The following LARP4 variants were observed in gnomAD, a reference collection of about 807,000 sequenced individuals.
LARP4 encodes la-related protein 4.
LARP4 carries 29 observed loss-of-function variants against 92.9 expected under a neutral mutation model. That is an observed-to-expected ratio of 0.31 (90% CI 0.23 to 0.43). The LOEUF is 0.43. LARP4 is among the 20% of genes least tolerant of loss of function. The pLI is 1.00. For synonymous variants in LARP4, 279 were observed against 284.1 expected (o/e 0.98, Z 0.18); for missense variants, 732 against 860.0 (o/e 0.85, Z 1.86).
At chr12:50,449,871 T>A (rs1952837789) in intron 8 of LARP4, among the ~76,000 whole-genome samples, 1 of 151,712 alleles carries the variant, frequency 6.6e-6, no homozygotes, top group African/African-American at 2.4e-5. Context: ...TTCGTGTTGA[T>A]ATTGGCCTCT....
chr12:50,401,046 G>C lies in LARP4; in HGVS notation c.18+18G>C. ...TCGTGGAGGTGAGTGCATTATGCTA[G>C]TCTCGTCCTGCTCTTAGGAGAGCAG... On this transcript the variant is annotated intron_variant, in intron 1 of 15. Coordinates refer to ENST00000398473, the MANE Select transcript of LARP4 (RefSeq NM_052879.5). The C allele has an allele frequency of 6.2e-7, 1 of 1,613,994 alleles. No homozygotes were observed. Among genetic ancestry groups the C allele is most frequent in the South Asian group, 1.1e-5 (1 of 91,080 alleles).
At chr12:50,425,688 A>T (rs1386448716) in intron 1 of LARP4, among the ~76,000 whole-genome samples, 1 of 152,098 alleles carries the variant, frequency 6.6e-6, no homozygotes, top group Non-Finnish European at 1.5e-5. Flanking sequence ...GCTGGGTCTT[A>T]GTGAGGTGGA....
chr12:50,441,648 G>GAA lies in LARP4; in HGVS notation c.804+7_804+8dup. 1 of 1,591,596 alleles carries GAA rather than the reference G, an allele frequency of 6.3e-7. No homozygotes were observed. Among genetic ancestry groups the GAA allele is most frequent in the Non-Finnish European group, 8.6e-7 (1 of 1,167,028 alleles). On this transcript the variant is annotated splice_donor_region_variant and intron_variant, in intron 8 of 15. Transcript: ENST00000398473. ...TTTCAGGGCAAGCCAATTATGGTAA[G>GAA]AAATAGAGATCAGTGTGAAACCAGA...
chr12:50,470,412 A>T (rs1024443674), intron 13 of LARP4, among the ~76,000 whole-genome samples: 115 of 152,012 alleles, frequency 7.6e-4, no homozygotes, highest in African/African-American at 2.7e-3. Flanking sequence ...ACAAACACAC[A>T]TATATACTTT....
intron 1 of LARP4, among the ~76,000 whole-genome samples, chr12:50,407,013 C>A (rs1206356128): frequency 6.7e-6 from 1 of 149,940 alleles, no homozygotes; most frequent in Non-Finnish European, 1.5e-5. Flanking sequence ...CCGCGCCCAG[C>A]CCATCTTAAC....
chr12:50,451,875 G>C (rs1223626201), intron 8 of LARP4, among the ~76,000 whole-genome samples: 1 of 151,920 alleles, frequency 6.6e-6, no homozygotes, highest in African/African-American at 2.4e-5. Flanking sequence ...GTGTTGGTGG[G>C]TGCCTCTAAT....
intron 1 of LARP4, among the ~76,000 whole-genome samples, chr12:50,425,807 G>A (rs1205975068): frequency 6.6e-6 from 1 of 151,914 alleles, no homozygotes; most frequent in East Asian, 1.9e-4. Flanking sequence ...TCTCAGAATG[G>A]GATTAACATA....
chr12:50,430,428 T>C, intron 3 of LARP4, 67 bp from the exon 4 acceptor site: 3 of 791,628 alleles, frequency 3.8e-6, no homozygotes, highest in South Asian at 3.1e-5. Context: ...AGTACAACAG[T>C]ATGTCAGATT....
chr12:50,473,865 A>AC lies in LARP4; in HGVS notation c.1668-134_1668-133insC, dbSNP rs1358369763. On this transcript the variant is annotated intron_variant, in intron 14 of 15. Transcript: ENST00000398473. ...GCAGAGGTTGCAGTGAGCCAAGAGC[A>AC]TGCCACTACACTCCAGCCTGGGTGA... The AC allele has an allele frequency of 8.5e-6, 5 of 589,178 alleles. No individual in the cohort carries two copies. In the African/African-American group the frequency reaches 9.4e-5, roughly 11 times the overall value. 36.5% of individuals were successfully genotyped at this position (589,178 alleles called of 1,614,324 possible).
chr12:50,445,334 C>T (rs1434995062), intron 8 of LARP4, among the ~76,000 whole-genome samples: 1 of 151,946 alleles, frequency 6.6e-6, no homozygotes, highest in African/African-American at 2.4e-5. Context: ...TGGTTCTTCC[C>T]CTGTATATGA....
At chr12:50,419,694 G>T (rs185800341) in intron 1 of LARP4, among the ~76,000 whole-genome samples, 1 of 152,124 alleles carries the variant, frequency 6.6e-6, no homozygotes, top group Admixed American at 6.5e-5. Context: ...ATCGTTTGAG[G>T]CCAGGAGTTC....
At chr12:50,415,452 A>G (rs887440522) in intron 1 of LARP4, among the ~76,000 whole-genome samples, 80 of 152,236 alleles carry the variant, frequency 5.3e-4, no homozygotes, top group African/African-American at 1.8e-3. Flanking sequence ...GAAATAGCGT[A>G]CCCCATCAGG....
intron 10 of LARP4, among the ~76,000 whole-genome samples, chr12:50,460,815 C>T (rs551293558): frequency 3.3e-4 from 50 of 152,116 alleles, no homozygotes; most frequent in Middle Eastern, 3.4e-3. Flanking sequence ...TGGTGGCTGG[C>T]GCCTGTAGTC....
At chr12:50,460,213 G>A (rs1033371441) in intron 10 of LARP4, among the ~76,000 whole-genome samples, 2 of 151,958 alleles carry the variant, frequency 1.3e-5, no homozygotes, top group African/African-American at 4.8e-5. Context: ...TAAACATGTC[G>A]AGAGTGCCTC....
intron 5 of LARP4, among the ~76,000 whole-genome samples, chr12:50,437,272 T>C (rs1487593456): frequency 1.3e-5 from 2 of 152,198 alleles, no homozygotes; most frequent in Admixed American, 1.3e-4. Context: ...AATTTGCATA[T>C]AGTTCTTAGT....
chr12:50,468,945 T>C (rs1956542180), intron 13 of LARP4, among the ~76,000 whole-genome samples: 1 of 152,096 alleles, frequency 6.6e-6, no homozygotes, highest in South Asian at 2.1e-4. Context: ...TGCCTAGCTA[T>C]GTTCCTGGGC....
chr12:50,422,901 T>A (rs2136863556), intron 1 of LARP4, among the ~76,000 whole-genome samples: 1 of 151,428 alleles, frequency 6.6e-6, no homozygotes, highest in African/African-American at 2.4e-5. Flanking sequence ...CACCGCAACC[T>A]CTGACTCCTG....
intron 1 of LARP4, among the ~76,000 whole-genome samples, chr12:50,426,684 G>GGGGGGTGTGTGT (rs774548049): frequency 1.2e-5 from 1 of 86,174 alleles, no homozygotes; most frequent in Non-Finnish European, 2.1e-5. Context: ...TTATGTTTGG[G>GGGGGGTGTGTGT]GTGTGTGTGT....
Position 50,461,237 on chromosome 12 carries a change from T to A in LARP4, c.1224T>A (p.Phe408Leu), listed in dbSNP as rs370323231. Reference protein sequence around the residue: ...GQLNRYSSRNFPAERHNPTVT... With the variant: ...GQLNRYSSRNLPAERHNPTVT... ...TGAACAGATATAGTTCAAGAAACTT[T>A]CCAGCTGAACGGCATAACCCCACAG... Residue 408 changes from phenylalanine (F) to leucine (L), a missense_variant, in exon 11 of 16, where the codon TTT becomes TTA. Phe to Leu is a conservative substitution (Grantham distance 22, BLOSUM62 0). Coordinates refer to ENST00000398473, the MANE Select transcript of LARP4 (RefSeq NM_052879.5). The A allele has an allele frequency of 1.9e-6, 3 of 1,614,108 alleles. No homozygotes were observed. The highest frequency in any genetic ancestry group is 2.2e-5 in the South Asian group (2 of 91,074).
Sources: allele counts gnomAD v4.1 joint callset (sites outside exome capture counted in the v4.1 genomes callset), GRCh38; gene constraint gnomAD v4.1.1; transcripts MANE v1.5; gene names NCBI Gene and HGNC (gene_info 2026-07-23, HGNC 2026-07-21).